The following DLGAP2 variants were observed in gnomAD, a reference collection of about 807,000 sequenced individuals.
DLGAP2 encodes the protein disks large-associated protein 2.
DLGAP2 carries 26 observed loss-of-function variants against 100.3 expected under a neutral mutation model. The observed-to-expected ratio is 0.26, with a 90% CI of 0.19 to 0.36. The LOEUF (loss-of-function observed/expected upper bound fraction) is 0.36. Among genes scored for constraint, DLGAP2 ranks in the 10% least tolerant of loss-of-function variants. DLGAP2 has a pLI of 1.00. For synonymous variants in DLGAP2, 886 were observed against 630.1 expected (o/e 1.41, Z -6.08); for missense variants, 1,858 against 1,453.2 (o/e 1.28, Z -4.53).
At chr8:1,011,004 T>G (rs1054058453) in intron 2 of DLGAP2, among the ~76,000 whole-genome samples, 1 of 149,872 alleles carries the variant, frequency 6.7e-6, no homozygotes, top group Non-Finnish European at 1.5e-5. Context: ...GGGGCCTCAG[T>G]CTACATAGTG....
At chr8:1,131,017 C>G (rs1796282159) in intron 2 of DLGAP2, among the ~76,000 whole-genome samples, 1 of 152,182 alleles carries the variant, frequency 6.6e-6, no homozygotes, top group Non-Finnish European at 1.5e-5. Flanking sequence ...TTTCCTCATG[C>G]CACTCAGTTT....
intron 2 of DLGAP2, among the ~76,000 whole-genome samples, chr8:931,344 C>T (rs528803900): frequency 1.8e-4 from 27 of 152,328 alleles, no homozygotes; most frequent in East Asian, 1.7e-3. Context: ...ATGGCAGGGG[C>T]GTTTCACGCG....
intron 4 of DLGAP2, among the ~76,000 whole-genome samples, chr8:1,524,675 A>C (rs962715294): frequency 3.3e-5 from 5 of 152,100 alleles, no homozygotes; most frequent in Non-Finnish European, 7.3e-5. Flanking sequence ...CCATATAATC[A>C]CATAAAAAAC....
intron 2 of DLGAP2, among the ~76,000 whole-genome samples, chr8:951,117 C>T (rs1197407933): frequency 6.6e-6 from 1 of 152,166 alleles, no homozygotes; most frequent in Non-Finnish European, 1.5e-5. Flanking sequence ...TTGCCAATAT[C>T]TTTCCATATT....
At chr8:1,414,619 G>T (rs2129898902) in intron 3 of DLGAP2, among the ~76,000 whole-genome samples, 1 of 152,346 alleles carries the variant, frequency 6.6e-6, no homozygotes, top group South Asian at 2.1e-4. Context: ...GAGCTGCCCG[G>T]CAGCTGTCTC....
At chr8:792,465 A>G (rs180683770) in intron 1 of DLGAP2, among the ~76,000 whole-genome samples, 35 of 152,214 alleles carry the variant, frequency 2.3e-4, no homozygotes, top group Non-Finnish European at 5.0e-4. Context: ...ATGTTTCACC[A>G]TAATAAAAAC....
intron 2 of DLGAP2, among the ~76,000 whole-genome samples, chr8:1,079,455 G>A (rs1803728027): frequency 6.6e-6 from 1 of 152,164 alleles, no homozygotes; most frequent in African/African-American, 2.4e-5. Flanking sequence ...ATTAAAGTCA[G>A]ATTAGCAGCC....
At chr8:1,600,392 G>C (rs1418022559) in intron 6 of DLGAP2, among the ~76,000 whole-genome samples, 1 of 152,102 alleles carries the variant, frequency 6.6e-6, no homozygotes, top group East Asian at 1.9e-4. Context: ...GGTGTTCTCT[G>C]TATTTCCTGA....
intron 2 of DLGAP2, among the ~76,000 whole-genome samples, chr8:1,186,349 G>A (rs1425077771): frequency 6.6e-6 from 1 of 152,206 alleles, no homozygotes; most frequent in Non-Finnish European, 1.5e-5. Flanking sequence ...ATTCTAACCA[G>A]CATCGACATA....
At chr8:1,620,781 C>T (rs145258443) in intron 6 of DLGAP2, among the ~76,000 whole-genome samples, 14 of 152,308 alleles carry the variant, frequency 9.2e-5, no homozygotes, top group Middle Eastern at 3.4e-3. Flanking sequence ...CCAGGCCCCA[C>T]GCACAGGGAC....
chr8:912,760 A>T (rs1033649128), intron 2 of DLGAP2, among the ~76,000 whole-genome samples: 1 of 131,626 alleles, frequency 7.6e-6, no homozygotes, highest in Non-Finnish European at 1.5e-5. Context: ...CTCTCTGTGG[A>T]GCTGACCCCT....
At chr8:973,515 G>C (rs538853894) in intron 2 of DLGAP2, among the ~76,000 whole-genome samples, 1 of 151,886 alleles carries the variant, frequency 6.6e-6, no homozygotes, top group East Asian at 1.9e-4. Flanking sequence ...CTCAGACGAT[G>C]GGCGGCCGGG....
chr8:889,799 C>G lies in DLGAP2; in HGVS notation c.19-18113C>G, dbSNP rs558245230. 2.3e-3 allele frequency among the ~76,000 whole-genome samples: 358 copies of G among 152,350 alleles called. 1 individual carries two copies. The highest frequency in any genetic ancestry group is 8.2e-3 in the African/African-American group (339 of 41,584). ...CAGCCAGTGCTGGTCACCCCTCCCC[C>G]CAGGAGTTCTGTAGGCTTAAGCAGA... On this transcript the variant is annotated intron_variant, in intron 1 of 14. Transcript: ENST00000637795.
chr8:1,213,129 T>G (rs1054930969), intron 2 of DLGAP2, among the ~76,000 whole-genome samples: 1 of 152,150 alleles, frequency 6.6e-6, no homozygotes, highest in African/African-American at 2.4e-5. Flanking sequence ...AGAAAGAGAA[T>G]CACATCATCC....
At chr8:1,131,726 C>G (rs138656305) in intron 2 of DLGAP2, among the ~76,000 whole-genome samples, 1 of 152,032 alleles carries the variant, frequency 6.6e-6, no homozygotes, top group South Asian at 2.1e-4. Context: ...CTTTGGGGTT[C>G]TGGTAAGATA....
intron 2 of DLGAP2, among the ~76,000 whole-genome samples, chr8:1,185,198 C>T (rs1472553509): frequency 1.3e-5 from 2 of 152,138 alleles, no homozygotes; most frequent in Admixed American, 1.3e-4. Context: ...ATTTGTTCCT[C>T]TCCAGGGCTC....
At chr8:1,245,957 A>G (rs1483048471) in intron 2 of DLGAP2, among the ~76,000 whole-genome samples, 2 of 152,176 alleles carry the variant, frequency 1.3e-5, no homozygotes, top group Non-Finnish European at 2.9e-5. Context: ...CAAGCAGGGA[A>G]GGCCTCAGCA....
chr8:1,352,411 C>G (rs1326582391), intron 3 of DLGAP2, among the ~76,000 whole-genome samples: 1 of 152,164 alleles, frequency 6.6e-6, no homozygotes, highest in African/African-American at 2.4e-5. Flanking sequence ...TCCCCAGCGA[C>G]TCTCCCTGTA....
intron 9 of DLGAP2, 94 bp from the exon 10 acceptor site, chr8:1,669,649 G>T (rs925583191): frequency 3.9e-6 from 3 of 774,158 alleles, no homozygotes; most frequent in Non-Finnish European, 7.2e-6. Flanking sequence ...GGCGCTGGTA[G>T]CTAGGCATGC....
Sources: gnomAD v4.1 joint callset for allele counts (sites outside exome capture counted in the v4.1 genomes callset) on GRCh38, gnomAD v4.1.1 for gene constraint, MANE v1.5 for transcripts, NCBI Gene and HGNC (gene_info 2026-07-23, HGNC 2026-07-21) for gene names.